The following EIF2AK1 variants were observed in gnomAD, a reference collection of about 807,000 sequenced individuals.
EIF2AK1 encodes eukaryotic translation initiation factor 2-alpha kinase 1.
In EIF2AK1, 54 loss-of-function variants were observed where a neutral mutation model predicts 77.9. The observed-to-expected ratio is 0.69, with a 90% CI of 0.56 to 0.87. The LOEUF (loss-of-function observed/expected upper bound fraction) is 0.87, where lower values mean the gene tolerates loss of function less well. Ranked by LOEUF, EIF2AK1 falls within the 40% of genes least tolerant of loss-of-function variation. EIF2AK1 has a pLI of 0.00. For missense variants in EIF2AK1, 810 were observed against 768.6 expected (o/e 1.05, Z -0.64); for synonymous variants, 314 against 290.5 (o/e 1.08, Z -0.82).
In EIF2AK1 at chr7:6,050,510, T is replaced by C. The variant is rs113657059; in HGVS notation, c.278-465A>G. Among the ~76,000 whole-genome samples the C allele has an allele frequency of 1.5e-3, 225 of 152,186 alleles. 1 individual carries two copies. The highest frequency in any genetic ancestry group is 4.2e-3 in the African/African-American group (176 of 41,524). On this transcript the variant is annotated intron_variant, in intron 2 of 14. Coordinates refer to ENST00000199389, the MANE Select transcript of EIF2AK1 (RefSeq NM_014413.4). ...AGGCCCAGCCCTTAGATAAATTTTT[T>C]TAAAAAGCGAAGAAACTTGGGGAAT...
chr7:6,051,579 G>A (rs180994020), intron 2 of EIF2AK1, among the ~76,000 whole-genome samples: 75 of 151,866 alleles, frequency 4.9e-4, no homozygotes, highest in African/African-American at 1.3e-3. Flanking sequence ...ACAGGCACCC[G>A]CCAACATACC....
chr7:6,040,757 C>A, intron 9 of EIF2AK1, 135 bp downstream of exon 9: 1 of 748,926 alleles, frequency 1.3e-6, no homozygotes, highest in Non-Finnish European at 2.2e-6. Context: ...GGCCCCATGG[C>A]AAGGGGAACA....
At position 6,024,182 on chromosome 7, in the gene EIF2AK1, TTTATC is replaced by T. The variant is rs1787670961; in HGVS notation, c.*486_*490del. On this transcript the variant is annotated 3_prime_UTR_variant, in exon 15 of 15. Coordinates refer to ENST00000199389, the MANE Select transcript of EIF2AK1 (RefSeq NM_014413.4). ...CTGTACACTGTTAAGAAGTTGAGCT[TTTATC>T]TTAGAGGCAGCAGAAGGTTTGGAGC... 7.9e-7 allele frequency: 1 copy of T among 1,264,596 alleles called. No homozygotes were observed. Among genetic ancestry groups the T allele is most frequent in the Non-Finnish European group, 1.0e-6 (1 of 975,396 alleles). The allele number at this position is 1,264,596 out of a possible 1,614,324, so 78.3% of individuals were successfully genotyped here. A position where few individuals can be genotyped will look rare whatever the true frequency, so the allele number is the denominator to read the frequency against.
intron 11 of EIF2AK1, among the ~76,000 whole-genome samples, chr7:6,030,677 T>C (rs1242513636): frequency 2.0e-5 from 3 of 152,146 alleles, no homozygotes; most frequent in Non-Finnish European, 4.4e-5. Context: ...TTTTGTATTT[T>C]TAGTAGCGAC....
Position 6,054,479 on chromosome 7 carries a change from C to T in EIF2AK1, c.277+67G>A, listed in dbSNP as rs893958888. 1.2e-5 allele frequency: 19 copies of T among 1,564,810 alleles called. No individual in the cohort carries two copies. In the Admixed American group the frequency reaches 1.7e-4, roughly 14 times the overall value. Reference sequence around the variant, plus strand: ...TCAGCCTCCCAAAGTGCTGGGATTACAGGCATGAACCACGGAGCCCAGCCT... The same window carrying T: ...TCAGCCTCCCAAAGTGCTGGGATTATAGGCATGAACCACGGAGCCCAGCCT... On this transcript the variant is annotated intron_variant, in intron 2 of 14. Transcript: ENST00000199389.
chr7:6,056,733 C>T (rs1003138227), intron 1 of EIF2AK1, among the ~76,000 whole-genome samples: 3 of 149,046 alleles, frequency 2.0e-5, no homozygotes, highest in African/African-American at 7.4e-5. Flanking sequence ...ATTTTAAAAG[C>T]TTATCTAAGA....
Position 6,035,323 on chromosome 7 carries a change from G to A in EIF2AK1, c.1332+2101C>T, listed in dbSNP as rs901460244. On this transcript the variant is annotated intron_variant, in intron 11 of 14. Coordinates refer to ENST00000199389, the MANE Select transcript of EIF2AK1 (RefSeq NM_014413.4). This position sits in a 1 kb window ranked among gnomAD's most constrained non-coding sequence, Gnocchi z 5.5. ...CCCAGCGATACAGATTTTGAAACAC[G>A]TCCTTAAGGTAATTGAAGGGTCTTA... is the stretch of plus-strand genomic sequence containing the variant. The A allele has an allele frequency of 1.7e-5, 17 of 998,414 alleles. No homozygotes were observed. The Admixed American group carries it at 2.0e-4, about 12-fold the overall frequency. The allele number at this position is 998,414 out of a possible 1,614,324, so 61.8% of individuals were successfully genotyped here.
chr7:6,058,796 A>T (rs929272143), intron 1 of EIF2AK1, among the ~76,000 whole-genome samples, 170 bp downstream of exon 1: 15 of 152,252 alleles, frequency 9.9e-5, no homozygotes, highest in African/African-American at 3.6e-4. Context: ...ACCTTACCCG[A>T]CGGCCCGCCC....
Position 6,032,746 on chromosome 7 carries a change from ATAAATG to A in EIF2AK1, c.1333-3720_1333-3715del, listed in dbSNP as rs1218859014. 9.6e-7 allele frequency: 1 copy of A among 1,036,380 alleles called. No homozygotes were observed. Among genetic ancestry groups the A allele is most frequent in the African/African-American group, 1.6e-5 (1 of 62,126 alleles). 64.2% of individuals were successfully genotyped at this position (1,036,380 alleles called of 1,614,324 possible). A position where few individuals can be genotyped will look rare whatever the true frequency, so the allele number is the denominator to read the frequency against. On this transcript the variant is annotated intron_variant, in intron 11 of 14. Transcript: ENST00000199389. The surrounding 1 kb of genome is among the most constrained non-coding windows in gnomAD (Gnocchi z 4.3). ...AAAGAGTGAGCCAATGAGACACTAA[ATAAATG>A]TATTGCCTTTGAAACGGCAAGCTAA...
chr7:6,039,905 C>A (rs1182577183), intron 9 of EIF2AK1, among the ~76,000 whole-genome samples: 1 of 151,952 alleles, frequency 6.6e-6, no homozygotes, highest in Non-Finnish European at 1.5e-5. Context: ...CCACTGTACT[C>A]CAGCCTGGGT....
In EIF2AK1 at chr7:6,049,483, C is replaced by A. The variant is rs572044351; in HGVS notation, c.411+429G>T. Among the ~76,000 whole-genome samples the A allele has an allele frequency of 6.6e-5, 10 of 152,264 alleles. No homozygotes were observed. The South Asian group carries it at 1.7e-3, about 25-fold the overall frequency. ...CCTTGAATCTGGGAGGCAGAGGTTG[C>A]AATGAGCCAAGATTGCGCCACTGCA... is the stretch of plus-strand genomic sequence containing the variant. On this transcript the variant is annotated intron_variant, in intron 3 of 14. Transcript: ENST00000199389.
intron 10 of EIF2AK1, among the ~76,000 whole-genome samples, chr7:6,038,302 G>C (rs1221680038): frequency 1.3e-5 from 2 of 152,112 alleles, no homozygotes; most frequent in African/African-American, 2.4e-5. Flanking sequence ...AGACATAGTG[G>C]CATGCACCTG....
intron 2 of EIF2AK1, among the ~76,000 whole-genome samples, chr7:6,052,900 T>C (rs775288771): frequency 2.2e-4 from 34 of 152,058 alleles, no homozygotes; most frequent in African/African-American, 5.1e-4. Context: ...GGGGCGGAGA[T>C]TGCAGTGAGC....
rs555295749 is a variant in EIF2AK1 at position 6,037,984 on chromosome 7, G to T, written c.1232-460C>A. On this transcript the variant is annotated intron_variant, in intron 10 of 14. Transcript: ENST00000199389. ...AAAAAGATAAAATATGTTAGCTCCA[G>T]GAATATGATTCAATCATCTGGAATG... is the stretch of plus-strand genomic sequence containing the variant. Among the ~76,000 whole-genome samples, 280 of 152,054 alleles carry T rather than the reference G, an allele frequency of 1.8e-3. 1 individual carries two copies. The highest frequency in any genetic ancestry group is 3.4e-3 in the Middle Eastern group (1 of 294).
intron 3 of EIF2AK1, among the ~76,000 whole-genome samples, chr7:6,049,491 C>T (rs1253328810): frequency 6.6e-6 from 1 of 152,152 alleles, no homozygotes; most frequent in Non-Finnish European, 1.5e-5. Flanking sequence ...TGCAATGAGC[C>T]AAGATTGCGC....
intron 4 of EIF2AK1, chr7:6,047,634 C>G (rs1788483962): frequency 6.3e-6 from 1 of 158,130 alleles, no homozygotes; most frequent in Non-Finnish European, 1.4e-5. Context: ...GATTATGCCA[C>G]TGCACTCCAG....
At chr7:6,048,530 C>G (rs1279406703) in intron 4 of EIF2AK1, among the ~76,000 whole-genome samples, 1 of 152,064 alleles carries the variant, frequency 6.6e-6, no homozygotes, top group South Asian at 2.1e-4. Context: ...TTTAAACTAG[C>G]GAGAATTCAA....
At chr7:6,057,126 C>CTTTTTTTTT (rs34958065) in intron 1 of EIF2AK1, among the ~76,000 whole-genome samples, 1 of 90,738 alleles carries the variant, frequency 1.1e-5, no homozygotes, top group Non-Finnish European at 2.1e-5. Context: ...GACCCCATCT[C>CTTTTTTTTT]TTTTTTTTTT....
At chr7:6,042,841 G>C (rs1308433225) in intron 8 of EIF2AK1, 92 bp downstream of exon 8, 2 of 1,055,948 alleles carry the variant, frequency 1.9e-6, no homozygotes, top group African/African-American at 3.2e-5. Context: ...ACTCTAGTCT[G>C]GGTGACAGAG....
Sources: allele counts gnomAD v4.1 joint callset (sites outside exome capture counted in the v4.1 genomes callset), GRCh38; gene constraint gnomAD v4.1.1; non-coding constraint Gnocchi (gnomAD v3.1); transcripts MANE v1.5; gene names NCBI Gene and HGNC (gene_info 2026-07-23, HGNC 2026-07-21).